The following PAK5 variants were observed in gnomAD, a reference collection of about 807,000 sequenced individuals.
PAK5 encodes the protein p21 (RAC1) activated kinase 5.
In PAK5, 16 loss-of-function variants were observed where a neutral mutation model predicts 65.9. The observed-to-expected ratio is 0.24, with a 90% CI of 0.16 to 0.37. The LOEUF is 0.37. Among genes scored for constraint, PAK5 ranks in the 10% least tolerant of loss-of-function variants. The pLI is 1.00. For missense variants in PAK5, 785 were observed against 903.9 expected (o/e 0.87, Z 1.69); for synonymous variants, 371 against 354.9 (o/e 1.05, Z -0.51).
chr20:9,587,999 A>G (rs1049310866), intron 3 of PAK5, among the ~76,000 whole-genome samples: 4 of 152,170 alleles, frequency 2.6e-5, no homozygotes, highest in African/African-American at 9.7e-5. Context: ...ATATATACAC[A>G]TTGGGAATTA....
chr20:9,741,845 A>C (rs1280394087), intron 1 of PAK5, among the ~76,000 whole-genome samples: 1 of 152,000 alleles, frequency 6.6e-6, no homozygotes. Flanking sequence ...AGCAACACTA[A>C]GAAGGATCCC....
intron 2 of PAK5, among the ~76,000 whole-genome samples, chr20:9,662,400 C>G (rs2181217): frequency 6.6e-6 from 1 of 152,114 alleles, no homozygotes; most frequent in Non-Finnish European, 1.5e-5. Context: ...TTTCTGTAAT[C>G]TGGAACTCAC....
At chr20:9,545,960 C>T (rs577679997) in intron 7 of PAK5, among the ~76,000 whole-genome samples, 132 of 152,040 alleles carry the variant, frequency 8.7e-4, no homozygotes, top group Non-Finnish European at 1.5e-3. Context: ...TCAACACCCA[C>T]AATAGTGCTT....
At position 9,739,807 on chromosome 20, in the gene PAK5, C is replaced by T. The variant is rs191036480; in HGVS notation, c.-161-28372G>A. Among the ~76,000 whole-genome samples, 34 of 152,230 alleles carry T rather than the reference C, an allele frequency of 2.2e-4. No individual in the cohort carries two copies. In the East Asian group the frequency reaches 6.6e-3, roughly 29 times the overall value. On this transcript the variant is annotated intron_variant, in intron 1 of 9. Transcript: ENST00000353224. ...AGAAAAGTCCAGTTACAAGAAAATGCTCAAGATAGAAGCATATCTTCTCAC... is the reference window on the plus strand; with the variant it reads ...AGAAAAGTCCAGTTACAAGAAAATGTTCAAGATAGAAGCATATCTTCTCAC...
intron 1 of PAK5, among the ~76,000 whole-genome samples, chr20:9,816,620 T>C (rs6141048): frequency 0.39 from 59,198 of 151,946 alleles, 12,042 homozygotes; most frequent in South Asian, 0.55. Flanking sequence ...GCACTCCTGG[T>C]TCTCAGGTAT....
chr20:9,593,007 G>A (rs6056722), intron 3 of PAK5, among the ~76,000 whole-genome samples: 1 of 152,150 alleles, frequency 6.6e-6, no homozygotes. Context: ...CATACTATTA[G>A]GAGTTGGCAG....
chr20:9,834,477 C>T (rs1262582894), intron 1 of PAK5, among the ~76,000 whole-genome samples: 1 of 152,112 alleles, frequency 6.6e-6, no homozygotes, highest in Non-Finnish European at 1.5e-5. Context: ...CCTAATTTAC[C>T]TCCAGAGATA....
chr20:9,829,644 T>G (rs947859790), intron 1 of PAK5, among the ~76,000 whole-genome samples: 1 of 152,176 alleles, frequency 6.6e-6, no homozygotes, highest in Non-Finnish European at 1.5e-5. Context: ...AGTGTTACCT[T>G]TCTAAAACAG....
chr20:9,551,081 C>T (rs1188125076), intron 7 of PAK5, among the ~76,000 whole-genome samples: 1 of 152,076 alleles, frequency 6.6e-6, no homozygotes, highest in African/African-American at 2.4e-5. Flanking sequence ...AGTATAAGTG[C>T]TTTTGCATGA....
chr20:9,777,626 G>A (rs1213329134), intron 1 of PAK5, among the ~76,000 whole-genome samples: 3 of 152,168 alleles, frequency 2.0e-5, no homozygotes, highest in African/African-American at 4.8e-5. Flanking sequence ...CTATAGCAGG[G>A]CGGTAGAAAT....
At chr20:9,590,453 C>T (rs767208755) in intron 3 of PAK5, among the ~76,000 whole-genome samples, 1 of 152,022 alleles carries the variant, frequency 6.6e-6, no homozygotes, top group Non-Finnish European at 1.5e-5. Context: ...TGGATTTGTG[C>T]ACCACAATGG....
At chr20:9,641,818 A>T (rs1466083660) in intron 3 of PAK5, among the ~76,000 whole-genome samples, 1 of 152,112 alleles carries the variant, frequency 6.6e-6, no homozygotes, top group Non-Finnish European at 1.5e-5. Flanking sequence ...CACCCTCCGC[A>T]GCCACTGGCC....
chr20:9,824,781 C>G (rs1361426390), intron 1 of PAK5, among the ~76,000 whole-genome samples: 1 of 152,174 alleles, frequency 6.6e-6, no homozygotes, highest in Non-Finnish European at 1.5e-5. Flanking sequence ...TTCTGGCATT[C>G]TATACATTTA....
intron 3 of PAK5, among the ~76,000 whole-genome samples, chr20:9,629,538 G>A (rs1321235169): frequency 7.8e-6 from 1 of 127,706 alleles, no homozygotes; most frequent in African/African-American, 2.9e-5. Flanking sequence ...TTCTTGAACT[G>A]GTCTTGAACT....
chr20:9,695,575 A>C (rs1214810826), intron 2 of PAK5, among the ~76,000 whole-genome samples: 1 of 152,068 alleles, frequency 6.6e-6, no homozygotes, highest in African/African-American at 2.4e-5. Flanking sequence ...GAAGGAGAGC[A>C]TTTCTTAACA....
intron 1 of PAK5, among the ~76,000 whole-genome samples, chr20:9,730,024 A>G (rs1672020746): frequency 7.7e-6 from 1 of 130,236 alleles, no homozygotes; most frequent in South Asian, 3.1e-4. Context: ...AGAGAGAGAG[A>G]GAGAGAGAAT....
intron 1 of PAK5, among the ~76,000 whole-genome samples, chr20:9,770,471 G>A (rs1035308362): frequency 2.6e-5 from 4 of 152,184 alleles, no homozygotes; most frequent in Non-Finnish European, 5.9e-5. Flanking sequence ...AAGGACCCAT[G>A]CGTGGTTTGT....
Position 9,802,458 on chromosome 20 carries a change from A to G in PAK5, c.-162+36304T>C, listed in dbSNP as rs375841412. On this transcript the variant is annotated intron_variant, in intron 1 of 9. Transcript: ENST00000353224. The stretch of plus-strand genomic sequence containing the variant: ...TGCGCACACATCTGCTTTCCTATGC[A>G]TTGAAAGCATCTTAAAGGGAACCCC... Among the ~76,000 whole-genome samples, 4 of 152,226 alleles carry G rather than the reference A, an allele frequency of 2.6e-5. No homozygotes were observed. The South Asian group carries it at 8.3e-4, about 32-fold the overall frequency.
chr20:9,619,064 A>G (rs1379850041), intron 3 of PAK5, among the ~76,000 whole-genome samples: 2 of 151,074 alleles, frequency 1.3e-5, no homozygotes, highest in Non-Finnish European at 2.9e-5. Context: ...CTGGGACTAC[A>G]GGTGTGTACC....
Sources: allele counts gnomAD v4.1 joint callset (sites outside exome capture counted in the v4.1 genomes callset), GRCh38; gene constraint gnomAD v4.1.1; transcripts MANE v1.5; gene names NCBI Gene and HGNC (gene_info 2026-07-23, HGNC 2026-07-21).